Variants in NFU1 observed in about 807,000 individuals in gnomAD.
NFU1 encodes the protein NFU1 iron-sulfur cluster scaffold.
In NFU1, 30 loss-of-function variants were observed where a neutral mutation model predicts 32.2. The ratio of observed to expected loss-of-function variants is 0.93; its 90% CI spans 0.70 to 1.26. The LOEUF (loss-of-function observed/expected upper bound fraction) is 1.26, where lower values mean the gene tolerates loss of function less well. Ranked by LOEUF, NFU1 falls within the 50% of genes most tolerant of loss-of-function variation. The pLI is 0.00. For missense variants in NFU1, 306 were observed against 306.6 expected (o/e 1.00, Z 0.02); for synonymous variants, 112 against 104.6 (o/e 1.07, Z -0.43).
intron 1 of NFU1, 125 bp downstream of exon 1, chr2:69,437,236 G>A: frequency 6.7e-7 from 1 of 1,488,120 alleles, no homozygotes. Context: ...CGGCGACAGG[G>A]CGGACCCGCC....
intron 1 of NFU1, among the ~76,000 whole-genome samples, chr2:69,434,865 G>A (rs1177223148): frequency 6.6e-6 from 1 of 152,192 alleles, no homozygotes; most frequent in African/African-American, 2.4e-5. Flanking sequence ...GGATAGACTG[G>A]CAGGCCAGGG....
chr2:69,414,559 A>C (rs945230960), intron 5 of NFU1, among the ~76,000 whole-genome samples: 2 of 145,620 alleles, frequency 1.4e-5, no homozygotes, highest in African/African-American at 2.5e-5. Flanking sequence ...TGGGGGTTGC[A>C]GTGAGCCAAC....
intron 2 of NFU1, among the ~76,000 whole-genome samples, chr2:69,430,501 C>T (rs954884931): frequency 2.0e-4 from 30 of 152,102 alleles, no homozygotes; most frequent in African/African-American, 7.2e-4. Context: ...AGGCATGAGC[C>T]ACCATGCCAG....
At chr2:69,397,778 G>A (rs1672388083) in intron 7 of NFU1, among the ~76,000 whole-genome samples, 1 of 151,950 alleles carries the variant, frequency 6.6e-6, no homozygotes, top group South Asian at 2.1e-4. Flanking sequence ...GCCAGGCGTG[G>A]TGGCGCGCGC....
chr2:69,422,986 G>A lies in NFU1; in HGVS notation c.302+596C>T, dbSNP rs116749916. On this transcript the variant is annotated intron_variant, in intron 3 of 7. Coordinates refer to ENST00000410022, the MANE Select transcript of NFU1 (RefSeq NM_001002755.4). The stretch of plus-strand genomic sequence containing the variant: ...CTCCTCAGCCTCCTCAACATTTTTG[G>A]GTTTTTTTGAGACAGGGTCTCACTC... Among the ~76,000 whole-genome samples the A allele has an allele frequency of 3.8e-3, 572 of 149,356 alleles. 3 individuals carry two copies. The highest frequency in any genetic ancestry group is 0.013 in the African/African-American group (531 of 40,602).
At chr2:69,430,388 T>C (rs1673599941) in intron 2 of NFU1, among the ~76,000 whole-genome samples, 1 of 151,960 alleles carries the variant, frequency 6.6e-6, no homozygotes, top group South Asian at 2.1e-4. Context: ...AATTTTTGTA[T>C]TTTTTTGTAA....
At chr2:69,421,074 T>C (rs1279074309) in intron 3 of NFU1, among the ~76,000 whole-genome samples, 4 of 151,976 alleles carry the variant, frequency 2.6e-5, no homozygotes, top group Non-Finnish European at 5.9e-5. Context: ...TGAGGTGGCA[T>C]GTGCCTATAG....
chr2:69,407,554 G>A (rs983629811), intron 5 of NFU1, among the ~76,000 whole-genome samples: 1 of 151,216 alleles, frequency 6.6e-6, no homozygotes, highest in Non-Finnish European at 1.5e-5. Flanking sequence ...GTAGGTGCCT[G>A]TAATCCCAGC....
intron 2 of NFU1, among the ~76,000 whole-genome samples, chr2:69,429,563 T>A (rs1456209716): frequency 6.6e-6 from 1 of 151,546 alleles, no homozygotes; most frequent in African/African-American, 2.4e-5. Flanking sequence ...TGAGAAAAAC[T>A]ACACCTGCAG....
chr2:69,397,646 C>T (rs1400353745), intron 7 of NFU1, among the ~76,000 whole-genome samples: 2 of 151,666 alleles, frequency 1.3e-5, no homozygotes, highest in East Asian at 1.9e-4. Flanking sequence ...GGCACAGTGG[C>T]TCATGCCTGT....
chr2:69,403,362 T>C (rs977896629), intron 6 of NFU1, among the ~76,000 whole-genome samples: 117 of 152,176 alleles, frequency 7.7e-4, no homozygotes, highest in Non-Finnish European at 3.2e-4. Flanking sequence ...TTATTTTTTA[T>C]TCTATTTCTC....
upstream of NFU1, among the ~76,000 whole-genome samples, chr2:69,439,184 A>T (rs1482583094): frequency 6.6e-6 from 1 of 151,998 alleles, no homozygotes; most frequent in Non-Finnish European, 1.5e-5. Context: ...AACCCCTGAA[A>T]CGAGGCTTCT....
At chr2:69,430,042 A>G (rs541333006) in intron 2 of NFU1, 2 of 322,490 alleles carry the variant, frequency 6.2e-6, no homozygotes, top group Non-Finnish European at 1.2e-5. Context: ...AACAAACAAA[A>G]AAAAACACCT....
chr2:69,406,701 G>A (rs1025330380), intron 5 of NFU1, among the ~76,000 whole-genome samples: 3 of 152,028 alleles, frequency 2.0e-5, no homozygotes, highest in African/African-American at 7.2e-5. Context: ...CTCCCAAGTA[G>A]TTTGGGACCA....
intron 2 of NFU1, among the ~76,000 whole-genome samples, chr2:69,430,216 CCTTTT>C (rs1673594183): frequency 1.2e-5 from 1 of 84,906 alleles, no homozygotes; most frequent in Non-Finnish European, 2.2e-5. Flanking sequence ...AATATTTCTT[CCTTTT>C]TTTTTTTTTG....
chr2:69,416,334 T>C lies in NFU1; in HGVS notation c.370-1035A>G, dbSNP rs917628097. The stretch of plus-strand genomic sequence containing the variant: ...AATTTATAATTAATAAAAATTAATA[T>C]TTAATTAATTTAAATATAATTATTA... On this transcript the variant is annotated intron_variant, in intron 4 of 7. Coordinates refer to ENST00000410022, the MANE Select transcript of NFU1 (RefSeq NM_001002755.4). 8 of 146,744 alleles carry C rather than the reference T, an allele frequency of 5.5e-5. No individual in the cohort carries two copies. In the East Asian group the frequency reaches 1.4e-3, roughly 25 times the overall value. 9.1% of individuals were successfully genotyped at this position (146,744 alleles called of 1,614,324 possible).
intron 3 of NFU1, among the ~76,000 whole-genome samples, chr2:69,423,146 T>G (rs1447049437): frequency 7.6e-6 from 1 of 132,134 alleles, no homozygotes; most frequent in Non-Finnish European, 1.5e-5. Flanking sequence ...TCAGCTAAAT[T>G]TGTGTGTGTG....
rs762607918 is a variant in NFU1 at position 69,433,150 on chromosome 2, CAAAAAA to C, written c.63-1151_63-1146del. 3.0e-4 allele frequency among the ~76,000 whole-genome samples: 30 copies of C among 98,368 alleles called. 1 individual carries two copies. Among genetic ancestry groups the C allele is most frequent in the Admixed American group, 2.4e-3 (20 of 8,490 alleles). 64.5% of individuals were successfully genotyped at this position (98,368 alleles called of 152,430 possible). ...GGCCCAAAGAGCAAGACTCCATCTC[CAAAAAA>C]AAAAAAAAAAAAAGTATACGACTGT... On this transcript the variant is annotated intron_variant, in intron 1 of 7. Transcript: ENST00000410022.
Position 69,406,100 on chromosome 2 carries a change from T to C in NFU1, c.485-18A>G, listed in dbSNP as rs777072277. ...TTCAGATCCTAGAAATAATTACATATAAAAACATCAAGAGTAGAAATTTTA... is the reference window on the plus strand; with the variant it reads ...TTCAGATCCTAGAAATAATTACATACAAAAACATCAAGAGTAGAAATTTTA... On this transcript the variant is annotated intron_variant, in intron 5 of 7. Transcript: ENST00000410022. 3.3e-6 allele frequency: 5 copies of C among 1,496,398 alleles called. 1 individual carries two copies. In the South Asian group the frequency reaches 5.6e-5, roughly 17 times the overall value. The allele number at this position is 1,496,398 out of a possible 1,614,324, so 92.7% of individuals were successfully genotyped here.
Sources: allele counts gnomAD v4.1 joint callset (sites outside exome capture counted in the v4.1 genomes callset), GRCh38; gene constraint gnomAD v4.1.1; transcripts MANE v1.5; gene names NCBI Gene and HGNC (gene_info 2026-07-23, HGNC 2026-07-21).